The following LRSAM1 variants were observed in gnomAD, a reference collection of about 807,000 sequenced individuals.
The protein encoded by LRSAM1 is leucine rich repeat and sterile alpha motif containing 1, also known as E3 ubiquitin-protein ligase LRSAM1.
A neutral mutation model predicts 118.1 loss-of-function variants in LRSAM1; 96 were observed. The ratio of observed to expected loss-of-function variants is 0.81; its 90% CI spans 0.69 to 0.96. The LOEUF (loss-of-function observed/expected upper bound fraction) is 0.96, where lower values mean the gene tolerates loss of function less well. Among genes scored for constraint, LRSAM1 ranks in the 40% least tolerant of loss-of-function variants. The probability of loss-of-function intolerance (pLI) is 0.00; values close to 1 mark genes in which losing one functional copy is unlikely to be tolerated. For missense variants in LRSAM1, 804 were observed against 915.5 expected (o/e 0.88, Z 1.57); for synonymous variants, 322 against 364.2 (o/e 0.88, Z 1.32).
chr9:127,454,256 A>T (rs1834432832), intron 2 of LRSAM1, among the ~76,000 whole-genome samples: 1 of 151,774 alleles, frequency 6.6e-6, no homozygotes. Flanking sequence ...CGTGGAACTC[A>T]CTAAAAAGAT....
Position 127,451,674 on chromosome 9 carries a change from G to A in LRSAM1, c.-189+5G>A. On this transcript the variant is annotated splice_donor_5th_base_variant and intron_variant, in intron 1 of 25. Transcript: ENST00000300417. Reference sequence around the variant, plus strand: ...TGTTTCCCATATTCCTTTATCGTGAGTGTCACCCCGGTCCCCGTCACCCAA... The same window carrying A: ...TGTTTCCCATATTCCTTTATCGTGAATGTCACCCCGGTCCCCGTCACCCAA... 1 of 320,816 alleles carries A rather than the reference G, an allele frequency of 3.1e-6. No homozygotes were observed. The highest frequency in any genetic ancestry group is 5.9e-6 in the Non-Finnish European group (1 of 168,134). The allele number at this position is 320,816 out of a possible 1,614,324, so 19.9% of individuals were successfully genotyped here.
intron 17 of LRSAM1, among the ~76,000 whole-genome samples, chr9:127,486,160 A>C (rs1401149179): frequency 1.3e-5 from 2 of 152,188 alleles, no homozygotes; most frequent in Non-Finnish European, 2.9e-5. Context: ...CACAATCGCA[A>C]CTCAGGTTCT....
In LRSAM1 at chr9:127,474,329, G is replaced by A. The variant is rs143146674; in HGVS notation, c.750+398G>A. Among the ~76,000 whole-genome samples the A allele has an allele frequency of 3.8e-3, 572 of 149,660 alleles. 6 individuals carry two copies. Among genetic ancestry groups the A allele is most frequent in the East Asian group, 0.025 (126 of 5,076 alleles). On this transcript the variant is annotated intron_variant, in intron 11 of 25. Coordinates refer to ENST00000300417, the MANE Select transcript of LRSAM1 (RefSeq NM_001005373.4). The stretch of plus-strand genomic sequence containing the variant: ...ATCACCCAGGCTGGAGTGCAGTGGT[G>A]TGATCATAGCTCGCTGCAGCCTTAA...
At chr9:127,454,905 T>C in intron 3 of LRSAM1, 93 bp from the exon 4 acceptor site, 1 of 1,235,836 alleles carries the variant, frequency 8.1e-7, no homozygotes, top group South Asian at 1.2e-5. Flanking sequence ...TATGGTCCTT[T>C]GCAGCTGCTT....
chr9:127,469,933 C>CCTGGGATA (rs1210922108), intron 10 of LRSAM1, among the ~76,000 whole-genome samples: 1 of 152,068 alleles, frequency 6.6e-6, no homozygotes, highest in African/African-American at 2.4e-5. Context: ...CCACTGCACT[C>CCTGGGATA]CAGCCTGGGA....
rs1206483281 is a variant in LRSAM1 at position 127,501,059 on chromosome 9, G to A, written c.1962G>A (p.Glu654=). The change falls in exon 25 of 26, where the codon GAG becomes GAA. Residue 654 remains glutamate (E), a synonymous_variant. Coordinates refer to ENST00000300417, the MANE Select transcript of LRSAM1 (RefSeq NM_001005373.4). ...TCGTCACCCCTACGGCCCCCCAGGA[G>A]CCTCCTGAGTCTGTGAGGCCATCCG... The part of the protein sequence containing the change: ...GEVVTPTAPQ[E]PPESVRPSAP... 2 of 1,613,914 alleles carry A rather than the reference G, an allele frequency of 1.2e-6. No individual in the cohort carries two copies. The highest frequency in any genetic ancestry group is 1.7e-5 in the Admixed American group (1 of 60,006).
At chr9:127,488,143 C>G (rs900842468) in intron 18 of LRSAM1, among the ~76,000 whole-genome samples, 1 of 152,194 alleles carries the variant, frequency 6.6e-6, no homozygotes, top group Non-Finnish European at 1.5e-5. Flanking sequence ...TGCTGTGCTG[C>G]TATCTGCTCT....
intron 14 of LRSAM1, 66 bp from the exon 15 acceptor site, chr9:127,481,117 T>C: frequency 1.3e-6 from 2 of 1,559,174 alleles, no homozygotes; most frequent in Non-Finnish European, 1.8e-6. Context: ...TCTGCACAGC[T>C]AACGCAGTGA....
chr9:127,474,911 G>A (rs1023221360), intron 11 of LRSAM1, among the ~76,000 whole-genome samples: 2 of 152,204 alleles, frequency 1.3e-5, no homozygotes, highest in Non-Finnish European at 2.9e-5. Flanking sequence ...CTGGCTGGTA[G>A]ATGGGGGAGG....
chr9:127,490,750 A>G (rs1835904111), intron 19 of LRSAM1, among the ~76,000 whole-genome samples: 1 of 152,216 alleles, frequency 6.6e-6, no homozygotes, highest in African/African-American at 2.4e-5. Flanking sequence ...TAGGTGCTCA[A>G]GACATACCAG....
chr9:127,486,388 C>G (rs1177488255), intron 17 of LRSAM1: 1 of 161,176 alleles, frequency 6.2e-6, no homozygotes, highest in Non-Finnish European at 1.4e-5. Flanking sequence ...TCACTGGGCA[C>G]TGTGGGTTTG....
At chr9:127,484,529 A>ATT (rs527770831) in intron 16 of LRSAM1, among the ~76,000 whole-genome samples, 1 of 140,966 alleles carries the variant, frequency 7.1e-6, no homozygotes, top group Non-Finnish European at 1.6e-5. Flanking sequence ...CACCTGGCTA[A>ATT]TTTTTTTTTT....
intron 9 of LRSAM1, 68 bp from the exon 10 acceptor site, chr9:127,467,672 A>T (rs1262555485): frequency 7.1e-7 from 1 of 1,410,824 alleles, no homozygotes; most frequent in African/African-American, 1.4e-5. Flanking sequence ...ACAAATTGAT[A>T]AGGAAATCGT....
chr9:127,456,962 A>G (rs1483530588), intron 5 of LRSAM1, among the ~76,000 whole-genome samples: 2 of 152,012 alleles, frequency 1.3e-5, no homozygotes, highest in Non-Finnish European at 2.9e-5. Flanking sequence ...ATGAGCTTTT[A>G]TTTAACATCA....
At chr9:127,496,729 C>T (rs1836160441) in intron 23 of LRSAM1, among the ~76,000 whole-genome samples, 2 of 152,136 alleles carry the variant, frequency 1.3e-5, no homozygotes, top group Non-Finnish European at 2.9e-5. Flanking sequence ...CCCCAGAGTT[C>T]GTGTTCTTTT....
Position 127,503,151 on chromosome 9 carries a change from C to T in LRSAM1, c.*252C>T, listed in dbSNP as rs1836462297. 10 of 544,258 alleles carry T rather than the reference C, an allele frequency of 1.8e-5. No homozygotes were observed. Among genetic ancestry groups the T allele is most frequent in the South Asian group, 1.6e-4 (8 of 49,916 alleles). 33.7% of individuals were successfully genotyped at this position (544,258 alleles called of 1,614,324 possible). ...CTGGAGAGGCCGCTGCACCACCACC[C>T]GAGCCTGGGAGCCAGCGTCCCAGCC... On this transcript the variant is annotated 3_prime_UTR_variant, in exon 26 of 26. Coordinates refer to ENST00000300417, the MANE Select transcript of LRSAM1 (RefSeq NM_001005373.4).
chr9:127,464,042 A>G (rs945463259), intron 9 of LRSAM1, among the ~76,000 whole-genome samples: 3 of 152,238 alleles, frequency 2.0e-5, no homozygotes, highest in African/African-American at 7.2e-5. Context: ...CTTCTGGAAC[A>G]GGGACTTCTC....
chr9:127,476,716 C>T (rs1347043526), intron 11 of LRSAM1, among the ~76,000 whole-genome samples: 1 of 152,158 alleles, frequency 6.6e-6, no homozygotes, highest in Non-Finnish European at 1.5e-5. Context: ...CTCTGTCACA[C>T]TAGGCTGGAG....
At chr9:127,487,604 C>A (rs1393783356) in intron 17 of LRSAM1, 72 bp from the exon 18 acceptor site, 2 of 1,430,596 alleles carry the variant, frequency 1.4e-6, no homozygotes, top group East Asian at 2.4e-5. Flanking sequence ...TGATCTCCTC[C>A]AAGGGGCCTG....
Sources: allele counts gnomAD v4.1 joint callset (sites outside exome capture counted in the v4.1 genomes callset), GRCh38; gene constraint gnomAD v4.1.1; transcripts MANE v1.5; gene names NCBI Gene and HGNC (gene_info 2026-07-23, HGNC 2026-07-21).